SPATS2L: variants seen among roughly 807,000 people sequenced by gnomAD.
The protein encoded by SPATS2L is spermatogenesis associated serine rich 2 like, also known as SPATS2-like protein.
SPATS2L carries 30 observed loss-of-function variants against 59.6 expected under a neutral mutation model. The ratio of observed to expected loss-of-function variants is 0.50; its 90% CI spans 0.38 to 0.68. The LOEUF is 0.68. SPATS2L is among the 30% of genes least tolerant of loss of function. The pLI is 0.00. For synonymous variants in SPATS2L, 252 were observed against 263.5 expected, an observed-to-expected ratio of 0.96 and a Z score of 0.42; for missense variants, 615 against 700.0, an observed-to-expected ratio of 0.88 and a Z score of 1.37.
chr2:200,442,522 G>A (rs1372871644), intron 8 of SPATS2L, among the ~76,000 whole-genome samples: 1 of 151,636 alleles, frequency 6.6e-6, no homozygotes, highest in Admixed American at 6.5e-5. Flanking sequence ...AGAGGCATTA[G>A]TTAGCTGTTC....
chr2:200,472,782 C>A (rs373180926), intron 11 of SPATS2L, 50 bp from the exon 12 acceptor site: 1 of 1,493,204 alleles, frequency 6.7e-7, no homozygotes, highest in Non-Finnish European at 9.3e-7. Context: ...GTTACTGAGG[C>A]AGCAGTGTTG....
chr2:200,404,556 G>T (rs539187231), intron 3 of SPATS2L, among the ~76,000 whole-genome samples: 293 of 152,288 alleles, frequency 1.9e-3, no homozygotes, highest in African/African-American at 6.6e-3. Context: ...AAAGGTAATA[G>T]TTGGTGGGAT....
intron 12 of SPATS2L, among the ~76,000 whole-genome samples, chr2:200,473,826 C>G (rs1265319493): frequency 6.6e-6 from 1 of 152,028 alleles, no homozygotes; most frequent in African/African-American, 2.4e-5. Flanking sequence ...ATGGTGAAAC[C>G]CTGTCTCTAC....
At chr2:200,405,183 G>A (rs2082652375) in intron 3 of SPATS2L, among the ~76,000 whole-genome samples, 1 of 152,116 alleles carries the variant, frequency 6.6e-6, no homozygotes, top group South Asian at 2.1e-4. Flanking sequence ...GTAGAATTCA[G>A]GACCCACCCC....
chr2:200,307,251 G>A (rs377072459), intron 1 of SPATS2L, among the ~76,000 whole-genome samples: 6 of 151,626 alleles, frequency 4.0e-5, no homozygotes, highest in Non-Finnish European at 5.9e-5. Flanking sequence ...CGCCCGCCCC[G>A]GATCTGAATC....
Position 200,467,255 on chromosome 2 carries a change from C to T in SPATS2L, c.848-35C>T, listed in dbSNP as rs761960052. The T allele has an allele frequency of 1.5e-5, 21 of 1,360,298 alleles. 1 individual carries two copies. The South Asian group carries it at 2.5e-4, about 16-fold the overall frequency. 84.3% of individuals were successfully genotyped at this position (1,360,298 alleles called of 1,614,324 possible). On this transcript the variant is annotated intron_variant, in intron 9 of 12. Coordinates refer to ENST00000409140, the MANE Select transcript of SPATS2L (RefSeq NM_001100423.2). Reference sequence around the variant, plus strand: ...TAGGTTATTTAATATGTTTCAATCTCTGGCCCTAATGTATGACTCCTCCTT... The same window carrying T: ...TAGGTTATTTAATATGTTTCAATCTTTGGCCCTAATGTATGACTCCTCCTT...
At position 200,435,369 on chromosome 2, in the gene SPATS2L, TTAAAA is replaced by T. The variant is rs549458231; in HGVS notation, c.446-3751_446-3747del. 9.6e-4 allele frequency among the ~76,000 whole-genome samples: 146 copies of T among 152,324 alleles called. 1 individual carries two copies. The highest frequency in any genetic ancestry group is 3.4e-3 in the Middle Eastern group (1 of 294). ...TTTAGATACATGGACAAGGATTAAA[TTAAAA>T]TGTATACAATTTTTATTGAAATCTA... On this transcript the variant is annotated intron_variant, in intron 6 of 12. Transcript: ENST00000409140.
rs572990490 is a variant in SPATS2L, at chr2:200,371,320, G to A, written c.-22-17903G>A. Among the ~76,000 whole-genome samples the A allele has an allele frequency of 7.2e-5, 11 of 152,278 alleles. No individual in the cohort carries two copies. The South Asian group carries it at 1.2e-3, about 17-fold the overall frequency. ...ATGAACAAGTCTGTACTAGGATAGAGGAAAGCATACGTAAGATGAATCTGA... is the reference window on the plus strand; with the variant it reads ...ATGAACAAGTCTGTACTAGGATAGAAGAAAGCATACGTAAGATGAATCTGA... On this transcript the variant is annotated intron_variant, in intron 2 of 12. Transcript: ENST00000409140.
intron 2 of SPATS2L, among the ~76,000 whole-genome samples, chr2:200,372,653 A>C (rs1382620523): frequency 6.6e-6 from 1 of 152,144 alleles, no homozygotes; most frequent in Non-Finnish European, 1.5e-5. Context: ...TTTAAGCTAC[A>C]TATTCCCTTA....
At chr2:200,469,659 T>C (rs1181474121) in intron 10 of SPATS2L, 4 of 419,916 alleles carry the variant, frequency 9.5e-6, no homozygotes, top group African/African-American at 4.0e-5. Context: ...AATAGATGAG[T>C]CAGACACACA....
intron 2 of SPATS2L, among the ~76,000 whole-genome samples, chr2:200,361,039 G>C (rs184388977): frequency 3.1e-4 from 46 of 149,904 alleles, no homozygotes; most frequent in Non-Finnish European, 5.0e-4. Context: ...GATCCATTGT[G>C]AAACTCCCTT....
intron 2 of SPATS2L, among the ~76,000 whole-genome samples, chr2:200,342,784 A>G (rs1324863528): frequency 1.3e-5 from 2 of 152,218 alleles, no homozygotes; most frequent in African/African-American, 4.8e-5. Flanking sequence ...GATAAGAACA[A>G]TATCCTTGCC....
At chr2:200,389,081 T>G in intron 2 of SPATS2L, 142 bp from the exon 3 acceptor site, 1 of 600,240 alleles carries the variant, frequency 1.7e-6, no homozygotes. Flanking sequence ...AGTCAGATGC[T>G]TAGCTTGAAA....
rs368490407 is a variant in SPATS2L, at chr2:200,459,823, A to G, written c.843A>G (p.Glu281=). The G allele has an allele frequency of 2.5e-6, 4 of 1,609,594 alleles. No individual in the cohort carries two copies. In the African/African-American group the frequency reaches 5.3e-5, roughly 22 times the overall value. Residue 281 remains glutamate (E), a synonymous_variant, in exon 9 of 13, where the codon GAA becomes GAG. Coordinates refer to ENST00000409140, the MANE Select transcript of SPATS2L (RefSeq NM_001100423.2). ...CAGAAATGGATAAAGTTAAAGAAGA[A>G]GCCAGTAAGTAGACAACACATGGTT... The part of the protein sequence containing the change: ...LMAEMDKVKE[E]AMEILTARQK...
At position 200,365,081 on chromosome 2, in the gene SPATS2L, T is replaced by C. The variant is rs183162529; in HGVS notation, c.-22-24142T>C. On this transcript the variant is annotated intron_variant, in intron 2 of 12. Coordinates refer to ENST00000409140, the MANE Select transcript of SPATS2L (RefSeq NM_001100423.2). ...AAGTGAATAAAGTGAAAGCCACAGG[T>C]TTTCCTCTGTCTTTGCTGGGTCAGT... 8.3e-4 allele frequency among the ~76,000 whole-genome samples: 126 copies of C among 152,234 alleles called. 1 individual carries two copies. Among genetic ancestry groups the C allele is most frequent in the African/African-American group, 2.9e-3 (119 of 41,536 alleles).
chr2:200,362,030 G>A (rs759031078), intron 2 of SPATS2L, among the ~76,000 whole-genome samples: 20 of 152,062 alleles, frequency 1.3e-4, no homozygotes, highest in Admixed American at 5.9e-4. Flanking sequence ...CTTCGAGCCC[G>A]GGAGTTCAAG....
chr2:200,418,192 C>T (rs917676194), intron 5 of SPATS2L, among the ~76,000 whole-genome samples: 3 of 151,994 alleles, frequency 2.0e-5, no homozygotes, highest in South Asian at 2.1e-4. Flanking sequence ...AGCTAGCAGC[C>T]GAGAGGTCCA....
intron 2 of SPATS2L, among the ~76,000 whole-genome samples, chr2:200,365,551 A>G (rs295131): frequency 0.92 from 140,110 of 152,304 alleles, 64,658 homozygotes; most frequent in Middle Eastern, 0.97. Context: ...TACTCAGGCT[A>G]ACAAAGTTTT....
intron 8 of SPATS2L, among the ~76,000 whole-genome samples, chr2:200,454,845 G>C (rs2085726068): frequency 6.6e-6 from 1 of 152,196 alleles, no homozygotes; most frequent in South Asian, 2.1e-4. Context: ...AAAACTTTTA[G>C]TGGCCAGTGG....
Sources: allele counts gnomAD v4.1 joint callset (sites outside exome capture counted in the v4.1 genomes callset), GRCh38; gene constraint gnomAD v4.1.1; transcripts MANE v1.5; gene names NCBI Gene and HGNC (gene_info 2026-07-23, HGNC 2026-07-21).